PRELID2: variants seen among roughly 807,000 people sequenced by gnomAD.
PRELID2 encodes the protein PRELI domain containing 2.
A neutral mutation model predicts 28.4 loss-of-function variants in PRELID2; 25 were observed. That is an observed-to-expected ratio of 0.88 (90% CI 0.64 to 1.23). The LOEUF (loss-of-function observed/expected upper bound fraction) is 1.23, where lower values mean the gene tolerates loss of function less well. Ranked by LOEUF, PRELID2 falls within the 50% of genes most tolerant of loss-of-function variation. The pLI is 0.00. For synonymous variants in PRELID2, 76 were observed against 71.6 expected (o/e 1.06, Z -0.31); for missense variants, 201 against 214.4 (o/e 0.94, Z 0.39).
the PRELID2 span, among the ~76,000 whole-genome samples, chr5:145,410,732 T>C: frequency 7.9e-5 from 12 of 152,138 alleles, no homozygotes; most frequent in Non-Finnish European, 1.5e-5. Flanking sequence ...CAATTCAAGA[T>C]GAAATTTTGG....
At chr5:145,401,801 T>C in the PRELID2 span, among the ~76,000 whole-genome samples, 1 of 152,218 alleles carries the variant, frequency 6.6e-6, no homozygotes, top group South Asian at 2.1e-4. Context: ...AGTCTATGCA[T>C]GGCATTCTGC....
chr5:145,549,576 C>G (rs1024952628), intron 1 of PRELID2, among the ~76,000 whole-genome samples: 1 of 152,010 alleles, frequency 6.6e-6, no homozygotes, highest in Non-Finnish European at 1.5e-5. Context: ...GGACGGAGCA[C>G]GAGGTCAGGA....
chr5:145,815,499 C>A (rs1754237245), intron 4 of PRELID2, among the ~76,000 whole-genome samples: 1 of 152,172 alleles, frequency 6.6e-6, no homozygotes, highest in East Asian at 1.9e-4. Flanking sequence ...CAACCATCAA[C>A]ACTAATTCCA....
chr5:145,255,186 T>C, the PRELID2 span, among the ~76,000 whole-genome samples: 3 of 152,088 alleles, frequency 2.0e-5, no homozygotes, highest in Admixed American at 6.6e-5. Flanking sequence ...CATTCAAAGA[T>C]GCAAGAGAAT....
At chr5:145,729,247 CA>C (rs940190537) in intron 1 of PRELID2, 1 of 1,021,696 alleles carries the variant, frequency 9.8e-7, no homozygotes. Context: ...AATGATGCTG[CA>C]AAAATTGCTA....
intron 1 of PRELID2, among the ~76,000 whole-genome samples, chr5:145,519,451 A>G (rs1752545426): frequency 6.6e-6 from 1 of 152,238 alleles, no homozygotes; most frequent in Non-Finnish European, 1.5e-5. Context: ...TGATGTCAAT[A>G]ACAGCCACAT....
chr5:145,720,087 A>C (rs1192482797), intron 1 of PRELID2, among the ~76,000 whole-genome samples: 1 of 151,994 alleles, frequency 6.6e-6, no homozygotes, highest in African/African-American at 2.4e-5. Context: ...AAGGGTCTAA[A>C]AGGAAGTGAT....
the PRELID2 span, among the ~76,000 whole-genome samples, chr5:145,337,073 T>TG: frequency 4.6e-5 from 7 of 151,458 alleles, no homozygotes; most frequent in African/African-American, 1.5e-4. Flanking sequence ...GTAACTAACC[T>TG]GCACATTGTG....
chr5:145,280,445 T>G, the PRELID2 span, among the ~76,000 whole-genome samples: 4 of 152,032 alleles, frequency 2.6e-5, no homozygotes, highest in Non-Finnish European at 5.9e-5. Flanking sequence ...AACTGAAAAA[T>G]CATGCAACTC....
intron 1 of PRELID2, among the ~76,000 whole-genome samples, chr5:145,534,970 A>G (rs1304191776): frequency 2.0e-5 from 3 of 151,872 alleles, no homozygotes; most frequent in African/African-American, 7.2e-5. Flanking sequence ...TTCTTCTAAG[A>G]TCTTATTTGT....
the PRELID2 span, among the ~76,000 whole-genome samples, chr5:145,340,085 G>A: frequency 6.6e-6 from 1 of 152,068 alleles, no homozygotes; most frequent in Admixed American, 6.6e-5. Context: ...ACCATAGCCA[G>A]CACCTGAATG....
chr5:145,389,477 T>A, the PRELID2 span, among the ~76,000 whole-genome samples: 1 of 152,142 alleles, frequency 6.6e-6, no homozygotes, highest in Non-Finnish European at 1.5e-5. Context: ...TCCAGAGAGT[T>A]TTTACTAAAG....
At chr5:145,555,265 T>C (rs1752871448) in intron 1 of PRELID2, among the ~76,000 whole-genome samples, 1 of 152,182 alleles carries the variant, frequency 6.6e-6, no homozygotes, top group Admixed American at 6.5e-5. Flanking sequence ...AGGTCCCTTT[T>C]AGATCACTGA....
At chr5:145,550,310 G>A (rs556484436) in intron 1 of PRELID2, among the ~76,000 whole-genome samples, 13 of 152,226 alleles carry the variant, frequency 8.5e-5, no homozygotes, top group Admixed American at 5.9e-4. Context: ...TGAGCAAGGC[G>A]GAGAGTAGAA....
the PRELID2 span, among the ~76,000 whole-genome samples, chr5:145,286,711 TG>T: frequency 0.27 from 34,886 of 127,434 alleles, 4,757 homozygotes; most frequent in Non-Finnish European, 0.32. Flanking sequence ...TGTTTTTTTT[TG>T]TTTGTTTGTT....
chr5:145,319,412 T>TA, the PRELID2 span, among the ~76,000 whole-genome samples: 1 of 152,158 alleles, frequency 6.6e-6, no homozygotes, highest in Non-Finnish European at 1.5e-5. Context: ...CTCATGCGTG[T>TA]AATCCCAACA....
chr5:145,583,974 T>A (rs1330154244), intron 1 of PRELID2, among the ~76,000 whole-genome samples: 1 of 152,094 alleles, frequency 6.6e-6, no homozygotes, highest in East Asian at 1.9e-4. Flanking sequence ...AGACCCTGAA[T>A]AGCCAAGAAA....
At chr5:145,374,951 T>G in the PRELID2 span, among the ~76,000 whole-genome samples, 1 of 152,150 alleles carries the variant, frequency 6.6e-6, no homozygotes, top group African/African-American at 2.4e-5. Flanking sequence ...CAGCATTGTT[T>G]TTTATTACCC....
intron 1 of PRELID2, among the ~76,000 whole-genome samples, chr5:145,706,065 T>C (rs1305629306): frequency 6.6e-6 from 1 of 152,058 alleles, no homozygotes; most frequent in Non-Finnish European, 1.5e-5. Context: ...TTTTGTAGCA[T>C]AGGCATATAT....
Sources: gnomAD v4.1 joint callset for allele counts (sites outside exome capture counted in the v4.1 genomes callset) on GRCh38, gnomAD v4.1.1 for gene constraint, MANE v1.5 for transcripts, NCBI Gene and HGNC (gene_info 2026-07-23, HGNC 2026-07-21) for gene names.